Variants in TMEFF1 observed in about 807,000 individuals in gnomAD.
TMEFF1 encodes tomoregulin-1.
Under a neutral mutation model 47.5 loss-of-function variants are expected in TMEFF1, and 20 were observed. The ratio of observed to expected loss-of-function variants is 0.42; its 90% CI spans 0.30 to 0.61. TMEFF1 has a LOEUF of 0.61. Among genes scored for constraint, TMEFF1 ranks in the 20% least tolerant of loss-of-function variants. The pLI is 0.19. For synonymous variants in TMEFF1, 162 were observed against 166.3 expected (o/e 0.97, Z 0.20); for missense variants, 411 against 471.1 (o/e 0.87, Z 1.18).
intron 5 of TMEFF1, among the ~76,000 whole-genome samples, chr9:100,532,319 A>G (rs1838400430): frequency 6.6e-6 from 1 of 152,222 alleles, no homozygotes; most frequent in Non-Finnish European, 1.5e-5. Flanking sequence ...ACAAAATGGG[A>G]GAAAATTTTT....
intron 5 of TMEFF1, among the ~76,000 whole-genome samples, chr9:100,535,984 A>G (rs1325552874): frequency 6.6e-6 from 1 of 152,190 alleles, no homozygotes; most frequent in African/African-American, 2.4e-5. Flanking sequence ...AGACAAATAT[A>G]TATTTAGATT....
At chr9:100,529,535 G>T (rs1484230391) in intron 5 of TMEFF1, among the ~76,000 whole-genome samples, 6 of 150,890 alleles carry the variant, frequency 4.0e-5, no homozygotes, top group Non-Finnish European at 8.9e-5. Flanking sequence ...TCAACAAGAA[G>T]AGCTAACTAT....
chr9:100,506,151 G>A (rs941637963), intron 2 of TMEFF1, among the ~76,000 whole-genome samples: 1 of 152,196 alleles, frequency 6.6e-6, no homozygotes, highest in African/African-American at 2.4e-5. Context: ...TGCTTGACCT[G>A]TGGTAGCATG....
intron 5 of TMEFF1, among the ~76,000 whole-genome samples, chr9:100,528,868 G>T (rs1251336301): frequency 7.1e-6 from 1 of 140,722 alleles, no homozygotes; most frequent in African/African-American, 2.7e-5. Flanking sequence ...ACAAAGGGAA[G>T]CCCATCAGAC....
At chr9:100,557,556 A>G (rs1206322564) in intron 7 of TMEFF1, among the ~76,000 whole-genome samples, 1 of 152,090 alleles carries the variant, frequency 6.6e-6, no homozygotes, top group African/African-American at 2.4e-5. Flanking sequence ...TGTGCATTAT[A>G]CCTTCCCTTT....
intron 2 of TMEFF1, among the ~76,000 whole-genome samples, chr9:100,502,396 G>A (rs1334235084): frequency 2.6e-5 from 4 of 151,864 alleles, no homozygotes; most frequent in Non-Finnish European, 5.9e-5. Context: ...GTCTCACTCT[G>A]TTGCCTAGGC....
Position 100,526,991 on chromosome 9 carries a change from A to T in TMEFF1, c.560+10220A>T, listed in dbSNP as rs537420635. Among the ~76,000 whole-genome samples the T allele has an allele frequency of 2.0e-3, 307 of 151,314 alleles. 1 individual carries two copies. The highest frequency in any genetic ancestry group is 9.2e-3 in the South Asian group (44 of 4,788). ...AAAAAAAAAAAAAAAAGGGAAAAAAAAATTAGCCGGGCGTGGTGGCACATA... is the reference window on the plus strand; with the variant it reads ...AAAAAAAAAAAAAAAAGGGAAAAAATAATTAGCCGGGCGTGGTGGCACATA... On this transcript the variant is annotated intron_variant, in intron 5 of 9. Transcript: ENST00000374879.
intron 1 of TMEFF1, among the ~76,000 whole-genome samples, chr9:100,478,405 C>T (rs958183404): frequency 6.6e-6 from 1 of 152,168 alleles, no homozygotes; most frequent in African/African-American, 2.4e-5. Context: ...ACTGCAGCCT[C>T]AGCTTCTTGG....
At chr9:100,503,933 A>T (rs376740686) in intron 2 of TMEFF1, among the ~76,000 whole-genome samples, 39 of 152,338 alleles carry the variant, frequency 2.6e-4, no homozygotes, top group African/African-American at 8.4e-4. Flanking sequence ...AGTCAAGTTG[A>T]CATAGAAAAT....
chr9:100,554,622 C>T (rs1189424185), intron 7 of TMEFF1, among the ~76,000 whole-genome samples: 1 of 151,542 alleles, frequency 6.6e-6, no homozygotes, highest in Non-Finnish European at 1.5e-5. Context: ...GTGTGGAGGA[C>T]AGTGGGGTTT....
At chr9:100,523,904 T>C (rs1838210661) in intron 5 of TMEFF1, among the ~76,000 whole-genome samples, 1 of 152,216 alleles carries the variant, frequency 6.6e-6, no homozygotes, top group Non-Finnish European at 1.5e-5. Context: ...ATTATAGTGC[T>C]AAATCATAGA....
At position 100,520,796 on chromosome 9, in the gene TMEFF1, C is replaced by G. The variant is rs138195534; in HGVS notation, c.560+4025C>G. ...ATAGGTGAAGGTGAGTTCAGAAAGG[C>G]TGAATGGAGAACCAGAACATAGGTC... On this transcript the variant is annotated intron_variant, in intron 5 of 9. Transcript: ENST00000374879. Among the ~76,000 whole-genome samples the G allele has an allele frequency of 1.3e-4, 20 of 152,270 alleles. No individual in the cohort carries two copies. In the East Asian group the frequency reaches 3.9e-3, roughly 29 times the overall value.
intron 2 of TMEFF1, among the ~76,000 whole-genome samples, chr9:100,506,398 T>C (rs1662378641): frequency 6.6e-6 from 1 of 152,150 alleles, no homozygotes; most frequent in Admixed American, 6.5e-5. Flanking sequence ...TCTTGCTATA[T>C]TTTATTTTAT....
intron 7 of TMEFF1, among the ~76,000 whole-genome samples, chr9:100,555,013 C>T (rs1226333816): frequency 1.3e-5 from 2 of 152,126 alleles, no homozygotes; most frequent in Non-Finnish European, 2.9e-5. Flanking sequence ...CCATCTGGTA[C>T]TGGGTTTTTT....
chr9:100,473,532 A>G lies in TMEFF1; in HGVS notation c.-13A>G. ...CGGCTCCCTGCGCTTCCCGCCGTCC[A>G]GGGGCACCAGTCATGGGCGCCGCAG... On this transcript the variant is annotated 5_prime_UTR_variant, in exon 1 of 10. Coordinates refer to ENST00000374879, the MANE Select transcript of TMEFF1 (RefSeq NM_003692.5). The surrounding 1 kb of genome is among the most constrained non-coding windows in gnomAD (Gnocchi z 5.4). 2.7e-6 allele frequency: 4 copies of G among 1,463,018 alleles called. No homozygotes were observed. Among genetic ancestry groups the G allele is most frequent in the Non-Finnish European group, 3.6e-6 (4 of 1,109,004 alleles). The allele number at this position is 1,463,018 out of a possible 1,614,324, so 90.6% of individuals were successfully genotyped here.
chr9:100,497,318 G>GTTTTTT (rs1328828062), intron 1 of TMEFF1, among the ~76,000 whole-genome samples: 3 of 84,880 alleles, frequency 3.5e-5, no homozygotes, highest in African/African-American at 1.4e-4. Flanking sequence ...TTCCACTCAT[G>GTTTTTT]TCTTTTTTTT....
chr9:100,534,112 G>A (rs576379957), intron 5 of TMEFF1, among the ~76,000 whole-genome samples: 12 of 152,302 alleles, frequency 7.9e-5, no homozygotes, highest in Admixed American at 2.6e-4. Context: ...CCTGAGGCAG[G>A]AGTGTCCCTA....
chr9:100,521,309 C>A (rs1296439130), intron 5 of TMEFF1, among the ~76,000 whole-genome samples: 1 of 152,134 alleles, frequency 6.6e-6, no homozygotes. Context: ...TTGATGGCAT[C>A]GTGGGCTTTG....
chr9:100,493,971 C>A (rs1837605495), intron 1 of TMEFF1, among the ~76,000 whole-genome samples: 1 of 151,994 alleles, frequency 6.6e-6, no homozygotes, highest in South Asian at 2.1e-4. Flanking sequence ...TGGCTTGAGC[C>A]CAAGAATTCA....
Sources: gnomAD v4.1 joint callset for allele counts (sites outside exome capture counted in the v4.1 genomes callset) on GRCh38, gnomAD v4.1.1 for gene constraint, Gnocchi (gnomAD v3.1) non-coding constraint, MANE v1.5 for transcripts, NCBI Gene and HGNC (gene_info 2026-07-23, HGNC 2026-07-21) for gene names.